The following STAT4 variants were observed in gnomAD, a reference collection of about 807,000 sequenced individuals.
STAT4 encodes the protein signal transducer and activator of transcription 4.
Under a neutral mutation model 110.5 loss-of-function variants are expected in STAT4, and 42 were observed. The observed-to-expected ratio is 0.38, with a 90% confidence interval of 0.30 to 0.49. The LOEUF is 0.49. Ranked by LOEUF, STAT4 falls within the 20% of genes least tolerant of loss-of-function variation. STAT4 has a pLI of 0.95. For missense variants in STAT4, 632 were observed against 887.9 expected (o/e 0.71, Z 3.66); for synonymous variants, 284 against 302.2 (o/e 0.94, Z 0.63).
Position 191,053,069 on chromosome 2 carries a change from G to A in STAT4, c.1251+1421C>T, listed in dbSNP as rs557827190. ...AGAATTCTTGGAGGGCAAAATGGTA[G>A]GGCATTAAATCTTTTGTGATGGATC... On this transcript the variant is annotated intron_variant, in intron 14 of 23. Coordinates refer to ENST00000392320, the MANE Select transcript of STAT4 (RefSeq NM_003151.4). This position sits in a 1 kb window ranked among gnomAD's most constrained non-coding sequence, Gnocchi z 4.5. Among the ~76,000 whole-genome samples the A allele has an allele frequency of 9.7e-4, 148 of 152,246 alleles. No homozygotes were observed. The highest frequency in any genetic ancestry group is 5.0e-3 in the South Asian group (24 of 4,822).
At chr2:191,151,311 A>C, upstream of STAT4, 2 of 985,496 alleles carry the variant, frequency 2.0e-6, no homozygotes, top group Non-Finnish European at 2.4e-6. This position sits in a 1 kb window ranked among gnomAD's most constrained non-coding sequence, Gnocchi z 4.7. Flanking sequence ...AGACAATCTG[A>C]GATCCTCTGC....
chr2:191,135,007 T>C lies in STAT4; in HGVS notation c.273+11606A>G, dbSNP rs948114395. ...AATCTAATCATGCACCTCAAGTAAC[T>C]AGAAAAGCAAGAAAAAAAAACCGAA... On this transcript the variant is annotated intron_variant, in intron 3 of 23. Transcript: ENST00000392320. This position sits in a 1 kb window ranked among gnomAD's most constrained non-coding sequence, Gnocchi z 4.8. Among the ~76,000 whole-genome samples, 14 of 147,872 alleles carry C rather than the reference T, an allele frequency of 9.5e-5. No homozygotes were observed. The highest frequency in any genetic ancestry group is 3.0e-4 in the African/African-American group (12 of 40,006).
Position 191,031,247 on chromosome 2 carries a change from G to T in STAT4, c.2112-167C>A. 1.1e-6 allele frequency: 1 copy of T among 872,626 alleles called. No homozygotes were observed. Among genetic ancestry groups the T allele is most frequent in the East Asian group, 2.6e-5 (1 of 38,186 alleles). 54.1% of individuals were successfully genotyped at this position (872,626 alleles called of 1,614,324 possible). A position where few individuals can be genotyped will look rare whatever the true frequency, so the allele number is the denominator to read the frequency against. ...CACTCAACTTACTGTGGCATATATG[G>T]CATATAAAAGGGGAATTTTATAATT... On this transcript the variant is annotated intron_variant, in intron 22 of 23. Transcript: ENST00000392320. This position sits in a 1 kb window ranked among gnomAD's most constrained non-coding sequence, Gnocchi z 4.8.
chr2:191,034,086 C>T, intron 18 of STAT4, 81 bp from the exon 19 acceptor site: 1 of 985,952 alleles, frequency 1.0e-6, no homozygotes, highest in Non-Finnish European at 1.5e-6. Flanking sequence ...CAATTTTTCA[C>T]CAAAATATTA....
At position 191,066,408 on chromosome 2, in the gene STAT4, C is replaced by T; in HGVS notation, c.630+22G>A. ...AAAAGGAGAAAAATAGGCAAAAGCC[C>T]AAATTAAAATTCTTCACTAACCTTT... On this transcript the variant is annotated intron_variant, in intron 7 of 23. Coordinates refer to ENST00000392320, the MANE Select transcript of STAT4 (RefSeq NM_003151.4). This position sits in a 1 kb window ranked among gnomAD's most constrained non-coding sequence, Gnocchi z 4.3. 1 of 1,604,806 alleles carries T rather than the reference C, an allele frequency of 6.2e-7. No homozygotes were observed. Among genetic ancestry groups the T allele is most frequent in the Non-Finnish European group, 8.5e-7 (1 of 1,172,374 alleles).
At position 191,091,088 on chromosome 2, in the gene STAT4, C is replaced by T. The variant is rs763320733; in HGVS notation, c.274-14763G>A. ...TACTCTGTGATAAGAACAGATATCT[C>T]GTCATCATTAGAAAGTGTTTAGACA... is the stretch of plus-strand genomic sequence containing the variant. On this transcript the variant is annotated intron_variant, in intron 3 of 23. Coordinates refer to ENST00000392320, the MANE Select transcript of STAT4 (RefSeq NM_003151.4). This position sits in a 1 kb window ranked among gnomAD's most constrained non-coding sequence, Gnocchi z 5.4. Among the ~76,000 whole-genome samples, 6 of 151,962 alleles carry T rather than the reference C, an allele frequency of 3.9e-5. No individual in the cohort carries two copies. The highest frequency in any genetic ancestry group is 7.3e-5 in the African/African-American group (3 of 41,342).
rs1699495171 is a variant in STAT4, at chr2:191,147,758, AT to A, written c.128+317del. Among the ~76,000 whole-genome samples the A allele has an allele frequency of 2.0e-5, 3 of 152,332 alleles. No individual in the cohort carries two copies. The South Asian group carries it at 6.2e-4, about 32-fold the overall frequency. ...GAGTATAAATCTTACTGAGAAAAAAATATTGATTTACATTGAGTCTGTGATA... is the reference window on the plus strand; with the variant it reads ...GAGTATAAATCTTACTGAGAAAAAAAATTGATTTACATTGAGTCTGTGATA... On this transcript the variant is annotated intron_variant, in intron 2 of 23. Coordinates refer to ENST00000392320, the MANE Select transcript of STAT4 (RefSeq NM_003151.4). The surrounding 1 kb of genome is among the most constrained non-coding windows in gnomAD (Gnocchi z 4.1).
intron 14 of STAT4, 39 bp from the exon 15 acceptor site, chr2:191,041,187 A>G (rs1437596935): frequency 8.3e-7 from 1 of 1,210,414 alleles, no homozygotes; most frequent in East Asian, 2.8e-5. Flanking sequence ...TCACAAATGC[A>G]TACTCACTAT....
At position 191,146,570 on chromosome 2, in the gene STAT4, C is replaced by T. The variant is rs1296046585; in HGVS notation, c.273+43G>A. 2.9e-6 allele frequency: 4 copies of T among 1,391,230 alleles called. No homozygotes were observed. Among genetic ancestry groups the T allele is most frequent in the Non-Finnish European group, 3.8e-6 (4 of 1,060,854 alleles). The allele number at this position is 1,391,230 out of a possible 1,614,324, so 86.2% of individuals were successfully genotyped here. ...ATTTAATTTTTAACTAAATTTAAGA[C>T]TCATATATCCAAATATTTTGGAAAA... On this transcript the variant is annotated intron_variant, in intron 3 of 23. Transcript: ENST00000392320. This position sits in a 1 kb window ranked among gnomAD's most constrained non-coding sequence, Gnocchi z 4.5.
chr2:191,076,973 T>C (rs989834171), intron 3 of STAT4, among the ~76,000 whole-genome samples: 1 of 152,182 alleles, frequency 6.6e-6, no homozygotes, highest in Non-Finnish European at 1.5e-5. Flanking sequence ...GGTCTCAATT[T>C]TTCACTTGTT....
At chr2:191,073,232 G>A in intron 4 of STAT4, 42 bp from the exon 5 acceptor site, 1 of 1,563,290 alleles carries the variant, frequency 6.4e-7, no homozygotes, top group Non-Finnish European at 8.8e-7. Context: ...TTTTGAAAAG[G>A]TTTATGATGA....
intron 14 of STAT4, among the ~76,000 whole-genome samples, chr2:191,044,112 A>G (rs1696282458): frequency 6.6e-6 from 1 of 152,140 alleles, no homozygotes. Flanking sequence ...TGTTCATGCT[A>G]TTATTCTTTA....
At chr2:191,141,284 T>G (rs757708252) in intron 3 of STAT4, among the ~76,000 whole-genome samples, 1 of 151,170 alleles carries the variant, frequency 6.6e-6, no homozygotes, top group Admixed American at 6.6e-5. Context: ...TCAACAGATA[T>G]AAGAAAAAAT....
In STAT4 at chr2:191,036,252, T is replaced by C; in HGVS notation, c.1482A>G (p.Leu494=). 6.2e-7 allele frequency: 1 copy of C among 1,614,112 alleles called. No homozygotes were observed. The highest frequency in any genetic ancestry group is 1.1e-5 in the South Asian group (1 of 91,082). The change falls in exon 17 of 24, where the codon CTA becomes CTG. Residue 494 remains leucine (L), a synonymous_variant. Transcript: ENST00000392320. The part of the protein sequence containing the change: ...NNPPPATLSQ[L]LEVMSWQFSS... ...AAAACTGCCAGCTCATCACCTCCAG[T>C]AGTTGACTCAATGTGGCAGGTGGAG...
intron 3 of STAT4, among the ~76,000 whole-genome samples, chr2:191,123,303 G>A (rs547827852): frequency 5.9e-5 from 9 of 152,254 alleles, no homozygotes; most frequent in African/African-American, 2.2e-4. Flanking sequence ...CACCTCCCCC[G>A]CTCCCTAGGT....
intron 3 of STAT4, among the ~76,000 whole-genome samples, chr2:191,134,445 C>T (rs1461942074): frequency 6.6e-6 from 1 of 152,198 alleles, no homozygotes; most frequent in African/African-American, 2.4e-5. Context: ...GTCCCAAGGA[C>T]AGACATGGTC....
intron 6 of STAT4, among the ~76,000 whole-genome samples, chr2:191,069,384 GTTT>G (rs1161317131): frequency 1.3e-5 from 2 of 151,990 alleles, no homozygotes; most frequent in African/African-American, 4.8e-5. Flanking sequence ...ATAGGAGAAG[GTTT>G]TTATTTTTTA....
At chr2:191,094,837 A>G (rs1697916563) in intron 3 of STAT4, among the ~76,000 whole-genome samples, 1 of 150,484 alleles carries the variant, frequency 6.6e-6, no homozygotes, top group South Asian at 2.1e-4. Flanking sequence ...TGCTATATTC[A>G]GGAGACCCAT....
chr2:191,034,291 T>C (rs555378614), intron 18 of STAT4, among the ~76,000 whole-genome samples: 150 of 151,844 alleles, frequency 9.9e-4, no homozygotes, highest in East Asian at 5.6e-3. Context: ...GGCGTGGTGG[T>C]GGGTGCCTGT....
Sources: gnomAD v4.1 joint callset for allele counts (sites outside exome capture counted in the v4.1 genomes callset) on GRCh38, gnomAD v4.1.1 for gene constraint, Gnocchi (gnomAD v3.1) non-coding constraint, MANE v1.5 for transcripts, NCBI Gene and HGNC (gene_info 2026-07-23, HGNC 2026-07-21) for gene names.